The following LSAMP variants were observed in gnomAD, a reference collection of about 807,000 sequenced individuals.
LSAMP encodes limbic system-associated membrane protein.
In LSAMP, 7 loss-of-function variants were observed where a neutral mutation model predicts 38.6. That is an observed-to-expected ratio of 0.18 (90% CI 0.10 to 0.34). The LOEUF (loss-of-function observed/expected upper bound fraction) is 0.34. Ranked by LOEUF, LSAMP falls within the 10% of genes least tolerant of loss-of-function variation. LSAMP has a pLI of 1.00. For synonymous variants in LSAMP, 154 were observed against 166.8 expected (o/e 0.92, Z 0.59); for missense variants, 313 against 420.0 (o/e 0.75, Z 2.23).
intron 2 of LSAMP, among the ~76,000 whole-genome samples, chr3:116,078,509 G>A (rs1392504713): frequency 6.6e-6 from 1 of 151,924 alleles, no homozygotes; most frequent in East Asian, 1.9e-4. Context: ...TGTATTTTTA[G>A]TAGAGATGGG....
intron 1 of LSAMP, among the ~76,000 whole-genome samples, chr3:116,394,346 T>C (rs1283239052): frequency 6.6e-6 from 1 of 152,238 alleles, no homozygotes; most frequent in African/African-American, 2.4e-5. Flanking sequence ...TATAATAACA[T>C]TGAGATAATA....
intron 3 of LSAMP, among the ~76,000 whole-genome samples, chr3:115,955,566 A>T (rs1413387952): frequency 1.3e-5 from 2 of 152,184 alleles, no homozygotes; most frequent in African/African-American, 4.8e-5. Flanking sequence ...TTATAACTGG[A>T]TGTAGGAGAC....
At chr3:115,909,634 C>T (rs1015921120) in intron 3 of LSAMP, among the ~76,000 whole-genome samples, 8 of 152,138 alleles carry the variant, frequency 5.3e-5, no homozygotes, top group African/African-American at 1.7e-4. Flanking sequence ...TCAAGAAATG[C>T]ATCACTTGTT....
At chr3:116,090,164 A>G (rs900219085) in intron 1 of LSAMP, among the ~76,000 whole-genome samples, 6 of 151,154 alleles carry the variant, frequency 4.0e-5, no homozygotes, top group Non-Finnish European at 8.9e-5. Flanking sequence ...ACAGTGAGCT[A>G]TGATCACATC....
chr3:116,294,357 C>T (rs1443584184), intron 1 of LSAMP, among the ~76,000 whole-genome samples: 1 of 152,142 alleles, frequency 6.6e-6, no homozygotes, highest in East Asian at 1.9e-4. Context: ...ATGTTGACTG[C>T]TGAGTCTTAC....
At chr3:116,038,940 T>A (rs1398058063) in intron 2 of LSAMP, among the ~76,000 whole-genome samples, 1 of 152,228 alleles carries the variant, frequency 6.6e-6, no homozygotes, top group Non-Finnish European at 1.5e-5. Context: ...ATACTTTGCA[T>A]AGCATTTACT....
At chr3:116,079,498 C>T (rs771973387) in intron 2 of LSAMP, among the ~76,000 whole-genome samples, 13 of 151,916 alleles carry the variant, frequency 8.6e-5, no homozygotes, top group African/African-American at 3.1e-4. Context: ...ACTAAAAATA[C>T]GAAAATTAGC....
intron 3 of LSAMP, among the ~76,000 whole-genome samples, chr3:115,861,126 TTTCTTTCC>T (rs1404505728): frequency 0.032 from 2,666 of 84,146 alleles, 32 homozygotes; most frequent in Non-Finnish European, 0.037. Flanking sequence ...TCCTTCCTTC[TTTCTTTCC>T]TTCCTTCCTT....
chr3:116,322,759 T>C (rs2047722489), intron 1 of LSAMP, among the ~76,000 whole-genome samples: 2 of 152,160 alleles, frequency 1.3e-5, no homozygotes, highest in African/African-American at 2.4e-5. Context: ...TCTTTCCATC[T>C]TTTAATCTTT....
chr3:116,215,236 A>C (rs960504522), intron 1 of LSAMP, among the ~76,000 whole-genome samples: 2 of 152,214 alleles, frequency 1.3e-5, no homozygotes, highest in Non-Finnish European at 2.9e-5. Context: ...GATGCTCTTC[A>C]ATATTCATTC....
At chr3:116,076,677 A>C (rs141426830) in intron 2 of LSAMP, among the ~76,000 whole-genome samples, 22 of 152,350 alleles carry the variant, frequency 1.4e-4, no homozygotes, top group African/African-American at 4.8e-4. Flanking sequence ...TAAAAAATTC[A>C]ATTTACCTTG....
At chr3:116,330,277 T>G (rs1422769083) in intron 1 of LSAMP, among the ~76,000 whole-genome samples, 2 of 152,114 alleles carry the variant, frequency 1.3e-5, no homozygotes, top group Non-Finnish European at 2.9e-5. Flanking sequence ...CAGGCTTTAG[T>G]GCAGCAACAG....
intron 6 of LSAMP, among the ~76,000 whole-genome samples, chr3:115,822,185 A>G (rs1934262002): frequency 6.6e-6 from 1 of 152,156 alleles, no homozygotes; most frequent in African/African-American, 2.4e-5. Context: ...TTCATGTTGT[A>G]TAAACCTCAA....
chr3:116,317,493 C>T (rs1447859498), intron 1 of LSAMP, among the ~76,000 whole-genome samples: 4 of 151,946 alleles, frequency 2.6e-5, no homozygotes, highest in Non-Finnish European at 5.9e-5. Context: ...GTAGCTGGGA[C>T]TACAGGCGCC....
chr3:115,985,820 C>T (rs371718399), intron 3 of LSAMP, among the ~76,000 whole-genome samples: 19 of 152,160 alleles, frequency 1.2e-4, no homozygotes, highest in Admixed American at 7.9e-4. Context: ...GTCAGTTCTT[C>T]GCAGACTGTA....
chr3:116,167,929 G>A lies in LSAMP; in HGVS notation c.156-81373C>T, dbSNP rs950012823. On this transcript the variant is annotated intron_variant, in intron 1 of 6. Coordinates refer to ENST00000490035, the MANE Select transcript of LSAMP (RefSeq NM_002338.5). ...GGCAAGGGGTAAAAGAGCAGTGAGAGTAAAGTAGCAAGTACTGAGCCAGGG... is the reference window on the plus strand; with the variant it reads ...GGCAAGGGGTAAAAGAGCAGTGAGAATAAAGTAGCAAGTACTGAGCCAGGG... Among the ~76,000 whole-genome samples the A allele has an allele frequency of 2.0e-5, 3 of 152,122 alleles. No individual in the cohort carries two copies. In the East Asian group the frequency reaches 5.8e-4, roughly 29 times the overall value.
chr3:115,907,338 C>T (rs1234979997), intron 3 of LSAMP, among the ~76,000 whole-genome samples: 2 of 152,106 alleles, frequency 1.3e-5, no homozygotes, highest in African/African-American at 4.8e-5. Flanking sequence ...GTCATGAGGG[C>T]TCCACCTTCA....
chr3:116,342,004 T>C (rs1433990947), intron 1 of LSAMP, among the ~76,000 whole-genome samples: 3 of 151,996 alleles, frequency 2.0e-5, no homozygotes, highest in African/African-American at 4.8e-5. Context: ...AAAAGGGCTA[T>C]ATAAATGTAA....
chr3:116,288,580 G>T (rs1305291825), intron 1 of LSAMP, among the ~76,000 whole-genome samples: 1 of 152,168 alleles, frequency 6.6e-6, no homozygotes, highest in East Asian at 1.9e-4. Flanking sequence ...CATTTATGCT[G>T]TTCTCTCCCT....
Sources: allele counts gnomAD v4.1 joint callset (sites outside exome capture counted in the v4.1 genomes callset), GRCh38; gene constraint gnomAD v4.1.1; transcripts MANE v1.5; gene names NCBI Gene and HGNC (gene_info 2026-07-23, HGNC 2026-07-21).